ORC5: variants seen among roughly 807,000 people sequenced by gnomAD.
ORC5 encodes the protein protein phosphatase 1, regulatory subunit 117.
A neutral mutation model predicts 58.8 loss-of-function variants in ORC5; 39 were observed. The ratio of observed to expected loss-of-function variants is 0.66; its 90% CI spans 0.51 to 0.87. The LOEUF (loss-of-function observed/expected upper bound fraction) is 0.87, where lower values mean the gene tolerates loss of function less well. ORC5 is among the 40% of genes least tolerant of loss of function. ORC5 has a pLI of 0.00. For missense variants in ORC5, 493 were observed against 506.3 expected, an observed-to-expected ratio of 0.97 and a Z score of 0.25; for synonymous variants, 218 against 177.6, an observed-to-expected ratio of 1.23 and a Z score of -1.81.
intron 8 of ORC5, among the ~76,000 whole-genome samples, chr7:104,169,469 C>T (rs565568751): frequency 2.0e-5 from 3 of 152,046 alleles, no homozygotes; most frequent in East Asian, 1.9e-4. Context: ...GAATGCCCTA[C>T]GACAGTTTTA....
At chr7:104,205,412 A>T (rs1259468990) in intron 1 of ORC5, among the ~76,000 whole-genome samples, 1 of 152,024 alleles carries the variant, frequency 6.6e-6, no homozygotes, top group Non-Finnish European at 1.5e-5. Flanking sequence ...ACATTTTTTT[A>T]AATAATTACA....
At chr7:104,150,449 C>A (rs1798825668) in intron 12 of ORC5, among the ~76,000 whole-genome samples, 1 of 151,646 alleles carries the variant, frequency 6.6e-6, no homozygotes, top group African/African-American at 2.4e-5. Flanking sequence ...CATTTTTACA[C>A]ACACAAAGCA....
chr7:104,150,937 G>A (rs761075545), intron 12 of ORC5, among the ~76,000 whole-genome samples: 1 of 152,144 alleles, frequency 6.6e-6, no homozygotes, highest in Non-Finnish European at 1.5e-5. Flanking sequence ...GAACTAAAAG[G>A]GAGGGAGGCA....
intron 8 of ORC5, among the ~76,000 whole-genome samples, chr7:104,177,525 T>C (rs2115936229): frequency 6.6e-6 from 1 of 152,328 alleles, no homozygotes; most frequent in East Asian, 1.9e-4. Context: ...ACACAAAGTA[T>C]ACCCCCAAAA....
At chr7:104,159,839 C>T (rs1420798470) in intron 12 of ORC5, among the ~76,000 whole-genome samples, 6 of 152,146 alleles carry the variant, frequency 3.9e-5, no homozygotes, top group Admixed American at 3.9e-4. Context: ...ACCTGCTAAT[C>T]TAGAGTTACC....
In ORC5 at chr7:104,126,913, A is replaced by C. The variant is rs1298244135; in HGVS notation, c.1263-20T>G. 1 of 1,548,814 alleles carries C rather than the reference A, an allele frequency of 6.5e-7. No individual in the cohort carries two copies. The highest frequency in any genetic ancestry group is 1.1e-5 in the South Asian group (1 of 89,168). ...ACCGTCCTAAAAACAAAAACAGATAATATGTTAGCATTCTCACCCCTAGAT... is the reference window on the plus strand; with the variant it reads ...ACCGTCCTAAAAACAAAAACAGATACTATGTTAGCATTCTCACCCCTAGAT... On this transcript the variant is annotated intron_variant, in intron 13 of 13. Coordinates refer to ENST00000297431, the MANE Select transcript of ORC5 (RefSeq NM_002553.4).
At chr7:104,179,653 T>G (rs985474257) in intron 8 of ORC5, among the ~76,000 whole-genome samples, 2 of 149,046 alleles carry the variant, frequency 1.3e-5, no homozygotes, top group African/African-American at 4.9e-5. Context: ...TTTTTTGTTG[T>G]TTTTTTTTTC....
At chr7:104,195,109 A>G (rs780992170) in intron 5 of ORC5, 34 bp downstream of exon 5, 3 of 1,079,682 alleles carry the variant, frequency 2.8e-6, no homozygotes, top group Admixed American at 2.4e-5. Context: ...ATTCTCCTGC[A>G]TATCATTTGC....
At chr7:104,142,993 A>C (rs974599117) in intron 12 of ORC5, among the ~76,000 whole-genome samples, 8 of 152,096 alleles carry the variant, frequency 5.3e-5, no homozygotes, top group Admixed American at 3.3e-4. Flanking sequence ...AATGAATGGG[A>C]AGATATGTAG....
chr7:104,128,881 A>T (rs1317528195), intron 13 of ORC5, among the ~76,000 whole-genome samples: 1 of 151,850 alleles, frequency 6.6e-6, no homozygotes, highest in Non-Finnish European at 1.5e-5. Context: ...AATGGACTTA[A>T]TGTTGTGTTG....
intron 2 of ORC5, chr7:104,202,654 T>C (rs574132173): frequency 2.8e-6 from 1 of 360,826 alleles, no homozygotes; most frequent in South Asian, 2.1e-5. Context: ...ACTTCCTTAC[T>C]GGGTTTTATT....
chr7:104,165,105 A>G, intron 11 of ORC5, 130 bp downstream of exon 11: 1 of 552,816 alleles, frequency 1.8e-6, no homozygotes. Flanking sequence ...ATTCTATTAC[A>G]GTATAACGGT....
intron 13 of ORC5, among the ~76,000 whole-genome samples, chr7:104,127,366 G>A (rs571599754): frequency 1.3e-5 from 2 of 152,140 alleles, no homozygotes; most frequent in African/African-American, 4.8e-5. Flanking sequence ...GTCTTTTAAC[G>A]CTGGCTGACC....
intron 8 of ORC5, among the ~76,000 whole-genome samples, chr7:104,173,721 A>AGTTT (rs1799259663): frequency 5.3e-5 from 8 of 152,132 alleles, no homozygotes; most frequent in Admixed American, 1.3e-4. Flanking sequence ...TTCTGGTTTG[A>AGTTT]ATACTCCGGT....
chr7:104,128,768 T>C (rs991268241), intron 13 of ORC5, among the ~76,000 whole-genome samples: 1 of 148,120 alleles, frequency 6.8e-6, no homozygotes, highest in Non-Finnish European at 1.5e-5. Flanking sequence ...AGACTACTTT[T>C]AACCACGGAC....
intron 8 of ORC5, among the ~76,000 whole-genome samples, chr7:104,182,550 T>C (rs1010252738): frequency 3.1e-4 from 47 of 152,190 alleles, no homozygotes; most frequent in East Asian, 1.2e-3. Context: ...CATGTAATAC[T>C]AGATGATAAA....
At chr7:104,205,573 GAA>G (rs1800059212) in intron 1 of ORC5, among the ~76,000 whole-genome samples, 1 of 152,044 alleles carries the variant, frequency 6.6e-6, no homozygotes, top group Non-Finnish European at 1.5e-5. Flanking sequence ...ATTTACGCAG[GAA>G]AAAGACTTTC....
intron 12 of ORC5, among the ~76,000 whole-genome samples, chr7:104,154,472 T>C (rs918070490): frequency 6.6e-6 from 1 of 152,038 alleles, no homozygotes; most frequent in Non-Finnish European, 1.5e-5. Context: ...TCAGCACATA[T>C]ATGTCTTCAC....
intron 8 of ORC5, among the ~76,000 whole-genome samples, chr7:104,174,558 G>C (rs186457297): frequency 6.6e-6 from 1 of 152,258 alleles, no homozygotes; most frequent in East Asian, 1.9e-4. Flanking sequence ...ACAGGAGAAG[G>C]CTCCCCCTAC....
Sources: gnomAD v4.1 joint callset for allele counts (sites outside exome capture counted in the v4.1 genomes callset) on GRCh38, gnomAD v4.1.1 for gene constraint, MANE v1.5 for transcripts, NCBI Gene and HGNC (gene_info 2026-07-23, HGNC 2026-07-21) for gene names.